PALLD: variants seen among roughly 807,000 people sequenced by gnomAD.
The protein encoded by PALLD is palladin.
In PALLD, 61 loss-of-function variants were observed where a neutral mutation model predicts 123.5. That is an observed-to-expected ratio of 0.49 (90% CI 0.40 to 0.61). PALLD has a LOEUF of 0.61. Among genes scored for constraint, PALLD ranks in the 20% least tolerant of loss-of-function variants. The pLI, the probability that PALLD is intolerant of heterozygous loss-of-function variation, is 0.00. For synonymous variants in PALLD, 465 were observed against 496.4 expected (o/e 0.94, Z 0.84); for missense variants, 1,273 against 1,377.0 (o/e 0.92, Z 1.20).
chr4:168,784,582 A>C (rs143772495), intron 10 of PALLD, among the ~76,000 whole-genome samples: 307 of 152,312 alleles, frequency 2.0e-3, no homozygotes, highest in African/African-American at 6.3e-3. Context: ...AAGAGACCAC[A>C]AACATGTTGA....
At chr4:168,892,429 C>T (rs1754279076) in intron 11 of PALLD, among the ~76,000 whole-genome samples, 1 of 152,008 alleles carries the variant, frequency 6.6e-6, no homozygotes, top group African/African-American at 2.4e-5. Flanking sequence ...GAGAACAGAC[C>T]ACACTTGAAA....
At chr4:168,519,178 AG>A (rs1333941680) in intron 2 of PALLD, among the ~76,000 whole-genome samples, 1 of 152,242 alleles carries the variant, frequency 6.6e-6, no homozygotes, top group African/African-American at 2.4e-5. Flanking sequence ...AGTCAATTCC[AG>A]ACAGCAGTAA....
intron 17 of PALLD, among the ~76,000 whole-genome samples, chr4:168,917,049 G>GGTTTTTTTT (rs1491537610): frequency 8.0e-6 from 1 of 124,876 alleles, no homozygotes; most frequent in Non-Finnish European, 1.7e-5. Context: ...TTTTTTTGGG[G>GGTTTTTTTT]TTTTTTTTTT....
chr4:168,840,793 G>T (rs181660693), intron 10 of PALLD, among the ~76,000 whole-genome samples: 79 of 152,284 alleles, frequency 5.2e-4, no homozygotes, highest in East Asian at 9.6e-4. Flanking sequence ...GACATTTGCT[G>T]CTGTTTAGTA....
chr4:168,763,808 C>A (rs1263183649), intron 10 of PALLD, among the ~76,000 whole-genome samples: 1 of 152,160 alleles, frequency 6.6e-6, no homozygotes, highest in Non-Finnish European at 1.5e-5. Flanking sequence ...ATGAATGCAA[C>A]TCCCATTCCA....
intron 10 of PALLD, among the ~76,000 whole-genome samples, chr4:168,838,667 C>CTTTTTT (rs70961558): frequency 6.8e-5 from 6 of 88,780 alleles, no homozygotes; most frequent in Admixed American, 1.2e-4. Context: ...CTTCTAACTC[C>CTTTTTT]TTTTTTTTTT....
chr4:168,624,553 C>T lies in PALLD; in HGVS notation c.909-43637C>T, dbSNP rs143111144. Among the ~76,000 whole-genome samples the T allele has an allele frequency of 3.0e-3, 460 of 151,968 alleles. 2 individuals are homozygous for T. Among genetic ancestry groups the T allele is most frequent in the African/African-American group, 0.01 (430 of 41,448 alleles). ...AAAATAAAAAATAAGACAAGAATGCCCACTCTTACTACTGTTATTTAACAT... is the reference window on the plus strand; with the variant it reads ...AAAATAAAAAATAAGACAAGAATGCTCACTCTTACTACTGTTATTTAACAT... On this transcript the variant is annotated intron_variant, in intron 2 of 21. Transcript: ENST00000505667.
chr4:168,542,420 TA>T (rs1386921397), intron 2 of PALLD, among the ~76,000 whole-genome samples: 7 of 151,422 alleles, frequency 4.6e-5, no homozygotes, highest in African/African-American at 1.7e-4. Context: ...GAAAATTTTT[TA>T]AAATAAATTA....
intron 2 of PALLD, among the ~76,000 whole-genome samples, chr4:168,640,021 CTG>C (rs746188522): frequency 2.9e-4 from 44 of 152,306 alleles, no homozygotes; most frequent in Middle Eastern, 3.4e-3. Context: ...GCATCTCAAA[CTG>C]TGAAGTCCAG....
intron 9 of PALLD, among the ~76,000 whole-genome samples, chr4:168,709,554 GGAAGGAAGGAAGGAAGGA>G (rs1784559836): frequency 0.046 from 34 of 740 alleles, 4 homozygotes; most frequent in Non-Finnish European, 0.075. Flanking sequence ...AAGGAAGGAA[GGAAGGAAGGAAGGAAGGA>G]AGGAAGGAAG....
At chr4:168,923,840 C>CT (rs990589924) in intron 18 of PALLD, among the ~76,000 whole-genome samples, 56 of 152,178 alleles carry the variant, frequency 3.7e-4, no homozygotes, top group African/African-American at 1.3e-3. Context: ...GTGAGGGAAT[C>CT]TAAGTGGTCA....
At chr4:168,501,631 A>C (rs1761415335) in intron 1 of PALLD, among the ~76,000 whole-genome samples, 1 of 152,160 alleles carries the variant, frequency 6.6e-6, no homozygotes, top group Non-Finnish European at 1.5e-5. Context: ...GCTTAAGATG[A>C]AGAGTTTGGC....
chr4:168,631,653 C>G, intron 2 of PALLD: 1 of 985,526 alleles, frequency 1.0e-6, no homozygotes, highest in Non-Finnish European at 1.2e-6. Flanking sequence ...CTCACCGAGC[C>G]TGAGTCGTGG....
Position 168,878,110 on chromosome 4 carries a change from C to A in PALLD, c.1965-12812C>A, listed in dbSNP as rs532961259. On this transcript the variant is annotated intron_variant, in intron 10 of 21. Coordinates refer to ENST00000505667, the MANE Select transcript of PALLD (RefSeq NM_001166108.2). The stretch of plus-strand genomic sequence containing the variant: ...CCGTGCCGCCCTTCGCGCAGCCCTT[C>A]GGCGCTGAGCCCGAGGCCCCGTGGG... The A allele has an allele frequency of 6.6e-5, 96 of 1,457,392 alleles. No individual in the cohort carries two copies. In the African/African-American group the frequency reaches 8.8e-4, roughly 13 times the overall value. 90.3% of individuals were successfully genotyped at this position (1,457,392 alleles called of 1,614,324 possible).
chr4:168,624,568 T>C (rs1464458099), intron 2 of PALLD, among the ~76,000 whole-genome samples: 1 of 152,156 alleles, frequency 6.6e-6, no homozygotes. Context: ...CTTACTACTG[T>C]TATTTAACAT....
chr4:168,783,183 A>G (rs1400670418), intron 10 of PALLD, among the ~76,000 whole-genome samples: 1 of 151,968 alleles, frequency 6.6e-6, no homozygotes, highest in Non-Finnish European at 1.5e-5. Context: ...TTAATGGATA[A>G]TGGCAATATT....
intron 3 of PALLD, among the ~76,000 whole-genome samples, chr4:168,672,490 G>A (rs1180535706): frequency 2.0e-5 from 3 of 148,566 alleles, no homozygotes; most frequent in African/African-American, 7.5e-5. Flanking sequence ...ACGGAGTCTC[G>A]CTCTGTCACC....
chr4:168,722,768 G>A (rs1162859997), intron 10 of PALLD, among the ~76,000 whole-genome samples: 1 of 152,184 alleles, frequency 6.6e-6, no homozygotes, highest in Non-Finnish European at 1.5e-5. Flanking sequence ...ATATGTCTTT[G>A]GCAGTACTGG....
At chr4:168,570,293 T>A (rs1768843875) in intron 2 of PALLD, among the ~76,000 whole-genome samples, 1 of 152,172 alleles carries the variant, frequency 6.6e-6, no homozygotes, top group Non-Finnish European at 1.5e-5. Flanking sequence ...TTTTTGTTTT[T>A]AGCCCAGAAG....
Sources: allele counts gnomAD v4.1 joint callset (sites outside exome capture counted in the v4.1 genomes callset), GRCh38; gene constraint gnomAD v4.1.1; transcripts MANE v1.5; gene names NCBI Gene and HGNC (gene_info 2026-07-23, HGNC 2026-07-21).